The following RFTN1 variants were observed in gnomAD, a reference collection of about 807,000 sequenced individuals.
RFTN1 encodes raftlin, lipid raft linker 1, also known as raftlin.
RFTN1 carries 26 observed loss-of-function variants against 46.5 expected under a neutral mutation model. The ratio of observed to expected loss-of-function variants is 0.56; its 90% CI spans 0.41 to 0.78. The LOEUF is 0.78. RFTN1 is among the 30% of genes least tolerant of loss of function. RFTN1 has a pLI of 0.00. For missense variants in RFTN1, 693 were observed against 718.7 expected (o/e 0.96, Z 0.41); for synonymous variants, 261 against 284.2 (o/e 0.92, Z 0.82).
chr3:16,373,009 G>A (rs1230970287), intron 5 of RFTN1, among the ~76,000 whole-genome samples: 1 of 152,188 alleles, frequency 6.6e-6, no homozygotes, highest in Non-Finnish European at 1.5e-5. Flanking sequence ...CAAGAGAACT[G>A]TCCAAAAGTG....
chr3:16,384,385 A>T lies in RFTN1; in HGVS notation c.442-6283T>A, dbSNP rs1197776485. On this transcript the variant is annotated intron_variant, in intron 4 of 9. Transcript: ENST00000334133. The surrounding 1 kb of genome is among the most constrained non-coding windows in gnomAD (Gnocchi z 4.7). ...TAAACCTGACTAGGCATGAAATAAA[A>T]GTTCGGTACAGGCTCCCAAATGACA... Among the ~76,000 whole-genome samples the T allele has an allele frequency of 2.0e-5, 3 of 152,212 alleles. No individual in the cohort carries two copies. The highest frequency in any genetic ancestry group is 4.8e-5 in the African/African-American group (2 of 41,452).
At chr3:16,487,896 G>A (rs907111957) in intron 2 of RFTN1, among the ~76,000 whole-genome samples, 2 of 152,098 alleles carry the variant, frequency 1.3e-5, no homozygotes, top group African/African-American at 4.8e-5. Flanking sequence ...TTCATCCCTC[G>A]GTGACCAGAG....
chr3:16,444,110 C>T (rs181432742), intron 2 of RFTN1, among the ~76,000 whole-genome samples: 8 of 152,302 alleles, frequency 5.3e-5, no homozygotes, highest in East Asian at 1.9e-4. Context: ...TATTCAGAAT[C>T]GGTAACGAAA....
Position 16,451,019 on chromosome 3 carries a change from G to A in RFTN1, c.146-16982C>T, listed in dbSNP as rs2075814260. Among the ~76,000 whole-genome samples the A allele has an allele frequency of 6.6e-6, 1 of 152,174 alleles. No individual in the cohort carries two copies. Among genetic ancestry groups the A allele is most frequent in the African/African-American group, 2.4e-5 (1 of 41,434 alleles). On this transcript the variant is annotated intron_variant, in intron 2 of 9. Coordinates refer to ENST00000334133, the MANE Select transcript of RFTN1 (RefSeq NM_015150.2). This position sits in a 1 kb window ranked among gnomAD's most constrained non-coding sequence, Gnocchi z 4.2. ...CTCAAACGGAGAACTCTGGACTGGG[G>A]ATAGAAAACGGAGGCTCACGTACCT...
In RFTN1 at chr3:16,403,546, A is replaced by ACAGC. The variant is rs1491340261; in HGVS notation, c.441+5828_441+5829insGCTG. 9.6e-4 allele frequency among the ~76,000 whole-genome samples: 74 copies of ACAGC among 76,882 alleles called. 19 individuals carry two copies. Among genetic ancestry groups the ACAGC allele is most frequent in the African/African-American group, 4.9e-3 (74 of 15,156 alleles). 50.4% of individuals were successfully genotyped at this position (76,882 alleles called of 152,430 possible). ...AACATGGGCCAGCAGCATATGAGAG[A>ACAGC]CAGAGACAGAGACACACACACACAC... On this transcript the variant is annotated intron_variant, in intron 4 of 9. Coordinates refer to ENST00000334133, the MANE Select transcript of RFTN1 (RefSeq NM_015150.2).
At chr3:16,472,056 C>T (rs1336758831) in intron 2 of RFTN1, 2 of 151,936 alleles carry the variant, frequency 1.3e-5, no homozygotes, top group Non-Finnish European at 2.9e-5. Flanking sequence ...TTTGCATTCA[C>T]CATTTTTCTT....
intron 5 of RFTN1, among the ~76,000 whole-genome samples, chr3:16,375,887 G>T (rs1343226157): frequency 2.6e-5 from 4 of 152,164 alleles, no homozygotes; most frequent in Non-Finnish European, 4.4e-5. Context: ...AGATGCTTTG[G>T]GTGTCAATTT....
rs745624791 is a variant in RFTN1 at position 16,397,279 on chromosome 3, T to C, written c.441+12096A>G. ...GAAAAATAGTGCATGATCTCACTTA[T>C]ATGTGGAATCAAAAAAAAGAAAATA... On this transcript the variant is annotated intron_variant, in intron 4 of 9. Transcript: ENST00000334133. 7.5e-5 allele frequency among the ~76,000 whole-genome samples: 11 copies of C among 146,210 alleles called. 1 individual carries two copies. The highest frequency in any genetic ancestry group is 4.3e-4 in the South Asian group (2 of 4,662).
intron 1 of RFTN1, among the ~76,000 whole-genome samples, chr3:16,494,317 G>A (rs561229860): frequency 5.3e-5 from 8 of 152,260 alleles, no homozygotes; most frequent in East Asian, 3.9e-4. Flanking sequence ...AGAATAAGTC[G>A]TTGTTACAGT....
At chr3:16,394,300 T>C (rs2074419051) in intron 4 of RFTN1, among the ~76,000 whole-genome samples, 1 of 152,126 alleles carries the variant, frequency 6.6e-6, no homozygotes, top group Admixed American at 6.6e-5. Context: ...TGGCTTGAGC[T>C]CAGGGTTTGA....
intron 4 of RFTN1, among the ~76,000 whole-genome samples, chr3:16,390,511 CATT>C (rs549951839): frequency 9.2e-4 from 140 of 152,340 alleles, no homozygotes; most frequent in African/African-American, 3.1e-3. Flanking sequence ...GCTTAGCTTA[CATT>C]ATTAATTGGT....
intron 3 of RFTN1, among the ~76,000 whole-genome samples, chr3:16,430,658 T>A (rs548843673): frequency 8.5e-5 from 13 of 152,292 alleles, no homozygotes; most frequent in East Asian, 7.7e-4. Flanking sequence ...TGCATTTTTT[T>A]AAAAAAGGCA....
intron 8 of RFTN1, among the ~76,000 whole-genome samples, chr3:16,324,572 CT>C (rs1231543022): frequency 6.7e-6 from 1 of 150,124 alleles, no homozygotes; most frequent in African/African-American, 2.5e-5. Context: ...AGCATAGTGT[CT>C]TCCAGGCTCA....
intron 6 of RFTN1, among the ~76,000 whole-genome samples, chr3:16,359,145 G>A (rs917306096): frequency 6.6e-6 from 1 of 151,982 alleles, no homozygotes; most frequent in African/African-American, 2.4e-5. Flanking sequence ...AATGTCCTAG[G>A]TTCATTTTGA....
At chr3:16,461,418 A>G (rs1387419760) in intron 2 of RFTN1, among the ~76,000 whole-genome samples, 1 of 152,246 alleles carries the variant, frequency 6.6e-6, no homozygotes, top group Admixed American at 6.5e-5. Flanking sequence ...TTAAAAATAT[A>G]TACACATACA....
rs2072470429 is a variant in RFTN1 at position 16,356,918 on chromosome 3, C to T, written c.1146+1014G>A. On this transcript the variant is annotated intron_variant, in intron 7 of 9. Transcript: ENST00000334133. This position sits in a 1 kb window ranked among gnomAD's most constrained non-coding sequence, Gnocchi z 4.9. Reference sequence around the variant, plus strand: ...TCACTTGAGGTCAGGAGTTTGAGACCAGCCTGGCCAACGTGGTGAAACCCT... The same window carrying T: ...TCACTTGAGGTCAGGAGTTTGAGACTAGCCTGGCCAACGTGGTGAAACCCT... Among the ~76,000 whole-genome samples, 1 of 152,146 alleles carries T rather than the reference C, an allele frequency of 6.6e-6. No homozygotes were observed. The highest frequency in any genetic ancestry group is 1.5e-5 in the Non-Finnish European group (1 of 68,014).
Position 16,434,053 on chromosome 3 carries a change from G to C in RFTN1, c.146-16C>G. ...GGGAGCTCCGCTGGAGTGGAGAGAG[G>C]AGAGGCTCATCAAAGACCCATCACA... On this transcript the variant is annotated splice_polypyrimidine_tract_variant and intron_variant, in intron 2 of 9. Transcript: ENST00000334133. 6.4e-7 allele frequency: 1 copy of C among 1,562,350 alleles called. No homozygotes were observed. The highest frequency in any genetic ancestry group is 1.9e-5 in the Admixed American group (1 of 52,604).
At position 16,377,820 on chromosome 3, in the gene RFTN1, C is replaced by T. The variant is rs200146664; in HGVS notation, c.724G>A (p.Gly242Arg). Residue 242 changes from glycine to arginine, a missense_variant, in exon 5 of 10, where the codon GGA (glycine) becomes AGA (arginine). Transcript: ENST00000334133. ...PLAKQPSSPS[G>R]EGDGGELSPQ... ...GAAAGTTCTCCACCATCTCCCTCTC[C>T]GGAGGGTGAGCTGGGCTGCTTGGCG... 7.2e-5 allele frequency: 117 copies of T among 1,614,202 alleles called. 2 individuals are homozygous for T. In the East Asian group the frequency reaches 8.5e-4, roughly 12 times the overall value.
intron 3 of RFTN1, among the ~76,000 whole-genome samples, chr3:16,423,870 G>A (rs981654644): frequency 2.0e-5 from 3 of 152,110 alleles, no homozygotes; most frequent in African/African-American, 7.2e-5. Context: ...CTACCTTAGC[G>A]GACCCAAAAG....
Sources: gnomAD v4.1 joint callset for allele counts (sites outside exome capture counted in the v4.1 genomes callset) on GRCh38, gnomAD v4.1.1 for gene constraint, Gnocchi (gnomAD v3.1) non-coding constraint, MANE v1.5 for transcripts, NCBI Gene and HGNC (gene_info 2026-07-23, HGNC 2026-07-21) for gene names.